Variants in TNFSF10 observed in about 807,000 individuals in gnomAD.
TNFSF10 encodes the protein TNF superfamily member 10.
In TNFSF10, 13 loss-of-function variants were observed where a neutral mutation model predicts 29.5. The ratio of observed to expected loss-of-function variants is 0.44; its 90% confidence interval spans 0.29 to 0.70. The LOEUF (loss-of-function observed/expected upper bound fraction) is 0.70, where lower values mean the gene tolerates loss of function less well. Ranked by LOEUF, TNFSF10 falls within the 30% of genes least tolerant of loss-of-function variation. The pLI, the probability that TNFSF10 is intolerant of heterozygous loss-of-function variation, is 0.13. For synonymous variants in TNFSF10, 111 were observed against 112.8 expected (o/e 0.98, Z 0.10); for missense variants, 345 against 330.9 (o/e 1.04, Z -0.33).
rs2108443492 is a variant in TNFSF10, at chr3:172,506,933, A to G, written c.419-14T>C. ...CATTCTTGGAGTCTGTAGGAAATTT[A>G]GAGAGAAAGAGCGTTAACAGAAGGG... On this transcript the variant is annotated splice_polypyrimidine_tract_variant and intron_variant, in intron 4 of 4. Coordinates refer to ENST00000241261, the MANE Select transcript of TNFSF10 (RefSeq NM_003810.4). 1 of 1,565,852 alleles carries G rather than the reference A, an allele frequency of 6.4e-7. No individual in the cohort carries two copies. Among genetic ancestry groups the G allele is most frequent in the Non-Finnish European group, 8.6e-7 (1 of 1,158,976 alleles).
chr3:172,512,622 G>A (rs1020717679), intron 2 of TNFSF10, among the ~76,000 whole-genome samples: 3 of 152,160 alleles, frequency 2.0e-5, no homozygotes, highest in Non-Finnish European at 4.4e-5. Flanking sequence ...ACTGACTTAC[G>A]GGAAGGGGAA....
intron 1 of TNFSF10, among the ~76,000 whole-genome samples, chr3:172,521,794 C>T (rs756337234): frequency 6.6e-6 from 1 of 152,190 alleles, no homozygotes; most frequent in Admixed American, 6.5e-5. Flanking sequence ...GGAACCAACC[C>T]AAATGCTCAT....
chr3:172,518,173 G>T, intron 1 of TNFSF10: 1 of 1,094,112 alleles, frequency 9.1e-7, no homozygotes, highest in African/African-American at 1.7e-5. Flanking sequence ...CTTGGGCATT[G>T]GGGGCAGAAG....
At chr3:172,511,507 C>T in intron 3 of TNFSF10, 110 bp downstream of exon 3, 1 of 840,474 alleles carries the variant, frequency 1.2e-6, no homozygotes, top group Non-Finnish European at 1.8e-6. Flanking sequence ...AGCAGCAGAT[C>T]AGAGGATGGA....
rs1487335854 is a variant in TNFSF10, at chr3:172,506,147, C to G, written c.*345G>C. 1 of 205,986 alleles carries G rather than the reference C, an allele frequency of 4.9e-6. No individual in the cohort carries two copies. The highest frequency in any genetic ancestry group is 9.7e-6 in the Non-Finnish European group (1 of 103,424). The allele number at this position is 205,986 out of a possible 1,614,324, so 12.8% of individuals were successfully genotyped here. A position where few individuals can be genotyped will look rare whatever the true frequency, so the allele number is the denominator to read the frequency against. On this transcript the variant is annotated 3_prime_UTR_variant, in exon 5 of 5. Coordinates refer to ENST00000241261, the MANE Select transcript of TNFSF10 (RefSeq NM_003810.4). ...AGATGGATTGTTGCTCTTTCTTCTACAGTCTTTACAAGGAGTAGATTATAA... is the reference window on the plus strand; with the variant it reads ...AGATGGATTGTTGCTCTTTCTTCTAGAGTCTTTACAAGGAGTAGATTATAA...
At chr3:172,519,924 AT>A (rs1327543164) in intron 1 of TNFSF10, among the ~76,000 whole-genome samples, 2 of 152,236 alleles carry the variant, frequency 1.3e-5, no homozygotes, top group Non-Finnish European at 2.9e-5. Context: ...CAAGGTGTAG[AT>A]AGGTTAACCC....
chr3:172,512,579 G>A (rs1713269802), intron 2 of TNFSF10, among the ~76,000 whole-genome samples: 1 of 152,172 alleles, frequency 6.6e-6, no homozygotes, highest in Non-Finnish European at 1.5e-5. Flanking sequence ...AGGGAGTGGT[G>A]GCGGTGGACT....
intron 4 of TNFSF10, among the ~76,000 whole-genome samples, chr3:172,508,763 C>A (rs1312615448): frequency 6.6e-6 from 1 of 152,120 alleles, no homozygotes; most frequent in Non-Finnish European, 1.5e-5. Flanking sequence ...GAGCTGCGTG[C>A]CTGTAATCCC....
At chr3:172,517,688 G>A (rs1713492955) in intron 1 of TNFSF10, 1 of 985,026 alleles carries the variant, frequency 1.0e-6, no homozygotes, top group African/African-American at 1.7e-5. Context: ...TTTCTCATAA[G>A]ACTATATAAA....
chr3:172,514,934 T>C lies in TNFSF10; in HGVS notation c.197A>G (p.Asp66Gly). ...GTTCATACTCTCTTCGTCATTGGGG[T>C]CCCAATAACTGTCATCTTCTTTTAA... ...CFLKEDDSYW[D>G]PNDEESMNSP... Residue 66 changes from aspartate to glycine, a missense_variant, in exon 2 of 5, where the codon GAC (aspartate) becomes GGC (glycine). Coordinates refer to ENST00000241261, the MANE Select transcript of TNFSF10 (RefSeq NM_003810.4). 4 of 1,614,132 alleles carry C rather than the reference T, an allele frequency of 2.5e-6. No individual in the cohort carries two copies.
At chr3:172,522,346 C>G in intron 1 of TNFSF10, 1 of 1,085,274 alleles carries the variant, frequency 9.2e-7, no homozygotes, top group Non-Finnish European at 1.4e-6. Context: ...CAGATTTTTT[C>G]GACAGGAAGT....
At chr3:172,516,144 G>A (rs951215025) in intron 1 of TNFSF10, among the ~76,000 whole-genome samples, 1 of 151,938 alleles carries the variant, frequency 6.6e-6, no homozygotes, top group Non-Finnish European at 1.5e-5. Flanking sequence ...GGCGCCTGTA[G>A]TCCCAGCTAT....
At chr3:172,509,548 T>C (rs1318663188) in intron 3 of TNFSF10, among the ~76,000 whole-genome samples, 3 of 152,230 alleles carry the variant, frequency 2.0e-5, no homozygotes, top group Admixed American at 6.5e-5. Flanking sequence ...ACATGGATTA[T>C]AATTTATTAG....
intron 3 of TNFSF10, 104 bp from the exon 4 acceptor site, chr3:172,509,425 T>TA: frequency 1.4e-6 from 1 of 731,650 alleles, no homozygotes; most frequent in Non-Finnish European, 2.2e-6. Context: ...CATACTGGGC[T>TA]TCCAAAGTTG....
At chr3:172,518,083 T>A in intron 1 of TNFSF10, 2 of 1,006,090 alleles carry the variant, frequency 2.0e-6, no homozygotes, top group Non-Finnish European at 2.4e-6. Flanking sequence ...CTCCCCCGCC[T>A]CCTCCCATCC....
intron 4 of TNFSF10, among the ~76,000 whole-genome samples, chr3:172,507,920 G>T (rs1020960533): frequency 2.4e-4 from 37 of 152,206 alleles, no homozygotes; most frequent in Non-Finnish European, 7.3e-5. Context: ...GCATCATTTT[G>T]TGGGTTAAGA....
chr3:172,523,424 G>A lies in TNFSF10; in HGVS notation c.-40C>T. On this transcript the variant is annotated 5_prime_UTR_variant, in exon 1 of 5. Coordinates refer to ENST00000241261, the MANE Select transcript of TNFSF10 (RefSeq NM_003810.4). ...CTGACTGCTGTAAGTCAGCCAGGCA[G>A]CCGGTCACTGAAGCCCTTCCTTCTC... The A allele has an allele frequency of 1.9e-6, 3 of 1,592,982 alleles. No individual in the cohort carries two copies. The highest frequency in any genetic ancestry group is 2.6e-6 in the Non-Finnish European group (3 of 1,164,966).
At chr3:172,509,848 A>G (rs3181141) in intron 3 of TNFSF10, among the ~76,000 whole-genome samples, 105,951 of 151,378 alleles carry the variant, frequency 0.7, 37,400 homozygotes, top group Middle Eastern at 0.78. Context: ...GCATGGTGGC[A>G]GGCACCTATA....
chr3:172,508,538 GA>G (rs1713088610), intron 4 of TNFSF10, among the ~76,000 whole-genome samples: 1 of 152,146 alleles, frequency 6.6e-6, no homozygotes, highest in East Asian at 1.9e-4. Flanking sequence ...CCTTTAAAGA[GA>G]AGGGAGATTT....
Sources: allele counts gnomAD v4.1 joint callset (sites outside exome capture counted in the v4.1 genomes callset), GRCh38; gene constraint gnomAD v4.1.1; transcripts MANE v1.5; gene names NCBI Gene and HGNC (gene_info 2026-07-23, HGNC 2026-07-21).